Variants in NHEJ1 observed in about 807,000 individuals in gnomAD.
The protein encoded by NHEJ1 is non-homologous end joining factor 1, also known as non-homologous end-joining factor 1.
In NHEJ1, 22 loss-of-function variants were observed where a neutral mutation model predicts 39.4. The observed-to-expected ratio is 0.56, with a 90% CI of 0.40 to 0.80. The LOEUF is 0.80. Among genes scored for constraint, NHEJ1 ranks in the 30% least tolerant of loss-of-function variants. The probability of loss-of-function intolerance (pLI) is 0.00; values close to 1 mark genes in which losing one functional copy is unlikely to be tolerated. For synonymous variants in NHEJ1, 154 were observed against 135.6 expected, an observed-to-expected ratio of 1.14 and a Z score of -0.94; for missense variants, 329 against 357.1, an observed-to-expected ratio of 0.92 and a Z score of 0.63.
rs540249743 is a variant in NHEJ1, at chr2:219,089,298, T to C, written c.589-11092A>G. 2.6e-5 allele frequency among the ~76,000 whole-genome samples: 4 copies of C among 152,154 alleles called. No individual in the cohort carries two copies. In the South Asian group the frequency reaches 8.3e-4, roughly 32 times the overall value. On this transcript the variant is annotated intron_variant, in intron 5 of 7. Transcript: ENST00000356853. ...AAAATGTGCACACAAATGTTCACAATAGCATTATTCATAAGAGCCAAAAAG... is the reference window on the plus strand; with the variant it reads ...AAAATGTGCACACAAATGTTCACAACAGCATTATTCATAAGAGCCAAAAAG...
At chr2:219,153,635 T>A (rs1034133181) in intron 3 of NHEJ1, among the ~76,000 whole-genome samples, 1 of 126,868 alleles carries the variant, frequency 7.9e-6, no homozygotes, top group Non-Finnish European at 1.6e-5. Flanking sequence ...AGCTGAGGAA[T>A]TCAAGACCAA....
intron 5 of NHEJ1, among the ~76,000 whole-genome samples, chr2:219,080,662 TAA>T (rs1375398853): frequency 1.0e-4 from 10 of 95,846 alleles, no homozygotes; most frequent in African/African-American, 4.5e-4. Context: ...CTAATATATA[TAA>T]GCTTTTATAT....
rs758627870 is a variant in NHEJ1, at chr2:219,076,325, G to T, written c.*56C>A. The T allele has an allele frequency of 2.5e-5, 40 of 1,613,898 alleles. No individual in the cohort carries two copies. The highest frequency in any genetic ancestry group is 3.3e-5 in the Non-Finnish European group (39 of 1,179,994). Reference sequence around the variant, plus strand: ...TGCTGCCATGTAAGCTTCTTTCAAGGTGAAGCTTGGAAGCTGTTCTCCAAG... The same window carrying T: ...TGCTGCCATGTAAGCTTCTTTCAAGTTGAAGCTTGGAAGCTGTTCTCCAAG... On this transcript the variant is annotated 3_prime_UTR_variant, in exon 8 of 8. Coordinates refer to ENST00000356853, the MANE Select transcript of NHEJ1 (RefSeq NM_024782.3).
chr2:219,082,200 T>C (rs753624147), intron 5 of NHEJ1, among the ~76,000 whole-genome samples: 6 of 152,236 alleles, frequency 3.9e-5, no homozygotes, highest in Non-Finnish European at 8.8e-5. Flanking sequence ...ACAAGAGCTA[T>C]ATTACTCTCC....
intron 3 of NHEJ1, among the ~76,000 whole-genome samples, chr2:219,153,719 A>C (rs1001325954): frequency 2.7e-5 from 4 of 149,142 alleles, no homozygotes; most frequent in Admixed American, 6.7e-5. Flanking sequence ...AGAGAGAGAG[A>C]GAGCAAGCAA....
chr2:219,136,762 C>G (rs1949633953), intron 5 of NHEJ1, among the ~76,000 whole-genome samples: 1 of 151,602 alleles, frequency 6.6e-6, no homozygotes, highest in Non-Finnish European at 1.5e-5. Context: ...ACCATTGCAC[C>G]CAGCTAGTTT....
At chr2:219,134,499 T>G (rs1441922592) in intron 5 of NHEJ1, among the ~76,000 whole-genome samples, 2 of 152,204 alleles carry the variant, frequency 1.3e-5, no homozygotes, top group African/African-American at 4.8e-5. Flanking sequence ...TGTCTCACAT[T>G]TCCATCACTG....
At position 219,070,161 on chromosome 2, in the gene NHEJ1, C is replaced by T. The variant is rs769926668; in HGVS notation, c.*6220G>A. On this transcript the variant is annotated 3_prime_UTR_variant, in exon 8 of 8. Transcript: ENST00000356853. ...ACAGCCTCCGGAGTACCTGGGACTACAGGCGCACATCACCACACTAATTTT... is the reference window on the plus strand; with the variant it reads ...ACAGCCTCCGGAGTACCTGGGACTATAGGCGCACATCACCACACTAATTTT... 6.6e-6 allele frequency among the ~76,000 whole-genome samples: 1 copy of T among 152,174 alleles called. No individual in the cohort carries two copies. The highest frequency in any genetic ancestry group is 1.5e-5 in the Non-Finnish European group (1 of 68,040).
chr2:219,112,205 A>G (rs1949372306), intron 5 of NHEJ1, among the ~76,000 whole-genome samples: 2 of 152,192 alleles, frequency 1.3e-5, no homozygotes, highest in African/African-American at 4.8e-5. Flanking sequence ...ATAAGGTAGA[A>G]GACCAGGTGA....
At position 219,157,459 on chromosome 2, in the gene NHEJ1, G is replaced by C. The variant is rs187241595; in HGVS notation, c.390+13C>G. On this transcript the variant is annotated intron_variant, in intron 3 of 7. Transcript: ENST00000356853. ...GCATCCCTCCCCCAACCCCACATTC[G>C]AATTACACTTACCAGGGAAGGACTA... The C allele has an allele frequency of 1.2e-6, 2 of 1,610,674 alleles. No individual in the cohort carries two copies. The highest frequency in any genetic ancestry group is 1.3e-5 in the African/African-American group (1 of 74,792).
At position 219,082,703 on chromosome 2, in the gene NHEJ1, C is replaced by T. The variant is rs547530629; in HGVS notation, c.589-4497G>A. Among the ~76,000 whole-genome samples, 4 of 152,314 alleles carry T rather than the reference C, an allele frequency of 2.6e-5. No individual in the cohort carries two copies. The East Asian group carries it at 7.7e-4, about 29-fold the overall frequency. On this transcript the variant is annotated intron_variant, in intron 5 of 7. Transcript: ENST00000356853. ...TGAGCATGTCTTTGGTTCTGGCACC[C>T]GCCCCAGAAACTGGCACAGCCCCAA...
chr2:219,085,590 CTA>C (rs1005451094), intron 5 of NHEJ1, among the ~76,000 whole-genome samples: 2 of 152,208 alleles, frequency 1.3e-5, no homozygotes, highest in African/African-American at 4.8e-5. Flanking sequence ...TCGCCATGCT[CTA>C]TGATTAGCCT....
chr2:219,133,139 G>A (rs1041712774), intron 5 of NHEJ1, among the ~76,000 whole-genome samples: 10 of 152,230 alleles, frequency 6.6e-5, no homozygotes, highest in African/African-American at 2.2e-4. Flanking sequence ...GAATCCTGCA[G>A]TCTCATTTCC....
chr2:219,078,239 C>T (rs1018998592), intron 5 of NHEJ1, 33 bp from the exon 6 acceptor site: 2 of 1,548,256 alleles, frequency 1.3e-6, no homozygotes, highest in African/African-American at 1.4e-5. Flanking sequence ...TCATTGGTTA[C>T]ACTGTATTGC....
intron 5 of NHEJ1, among the ~76,000 whole-genome samples, chr2:219,107,480 A>T (rs888146859): frequency 2.0e-5 from 3 of 152,230 alleles, no homozygotes; most frequent in Non-Finnish European, 4.4e-5. Flanking sequence ...CCCAGGGCAG[A>T]TGACAGGAAC....
intron 5 of NHEJ1, among the ~76,000 whole-genome samples, chr2:219,084,381 CT>C (rs1163219294): frequency 2.0e-5 from 3 of 152,200 alleles, no homozygotes; most frequent in Non-Finnish European, 2.9e-5. Flanking sequence ...GTATTAACTT[CT>C]CTTCACTGGC....
chr2:219,083,632 T>C (rs559467130), intron 5 of NHEJ1, among the ~76,000 whole-genome samples: 4 of 152,068 alleles, frequency 2.6e-5, no homozygotes, highest in East Asian at 3.9e-4. Context: ...GAGAGAGACA[T>C]TGGGAGTCAG....
chr2:219,151,272 A>C (rs1253196367), intron 3 of NHEJ1, among the ~76,000 whole-genome samples: 1 of 152,196 alleles, frequency 6.6e-6, no homozygotes, highest in Non-Finnish European at 1.5e-5. Flanking sequence ...AACACCATCC[A>C]ATTGGCGGCA....
intron 5 of NHEJ1, among the ~76,000 whole-genome samples, chr2:219,088,460 G>A (rs1443212535): frequency 1.3e-5 from 2 of 151,486 alleles, no homozygotes; most frequent in Non-Finnish European, 2.9e-5. Flanking sequence ...GCCACTGCAA[G>A]CCAGCCTGGG....
Sources: gnomAD v4.1 joint callset for allele counts (sites outside exome capture counted in the v4.1 genomes callset) on GRCh38, gnomAD v4.1.1 for gene constraint, MANE v1.5 for transcripts, NCBI Gene and HGNC (gene_info 2026-07-23, HGNC 2026-07-21) for gene names.